Variants in BCAS3 observed in about 807,000 individuals in gnomAD.
BCAS3 encodes the protein BCAS4/BCAS3 fusion.
A neutral mutation model predicts 116.1 loss-of-function variants in BCAS3; 53 were observed. The observed-to-expected ratio is 0.46, with a 90% confidence interval of 0.37 to 0.57. BCAS3 has a LOEUF of 0.57. BCAS3 is among the 20% of genes least tolerant of loss of function. The probability of loss-of-function intolerance (pLI) is 0.00; values close to 1 mark genes in which losing one functional copy is unlikely to be tolerated. For missense variants in BCAS3, 917 were observed against 1,165.4 expected (o/e 0.79, Z 3.10); for synonymous variants, 391 against 408.2 (o/e 0.96, Z 0.51).
intron 7 of BCAS3, among the ~76,000 whole-genome samples, chr17:60,856,576 A>G (rs1209270468): frequency 6.6e-6 from 1 of 152,132 alleles, no homozygotes; most frequent in African/African-American, 2.4e-5. Context: ...CTGTGGTTCC[A>G]GCTACACAGG....
At position 60,766,607 on chromosome 17, in the gene BCAS3, C is replaced by T. The variant is rs141568500; in HGVS notation, c.403+19328C>T. Among the ~76,000 whole-genome samples the T allele has an allele frequency of 8.5e-5, 13 of 152,256 alleles. No individual in the cohort carries two copies. In the East Asian group the frequency reaches 1.4e-3, roughly 16 times the overall value. On this transcript the variant is annotated intron_variant, in intron 6 of 23. Transcript: ENST00000407086. ...GCACCCGGCTGTATGAGGTGTCATT[C>T]GGCCCCTACTGGGAGGTGTCTCCAA...
intron 7 of BCAS3, among the ~76,000 whole-genome samples, chr17:60,861,273 CTTGAT>C (rs2054133083): frequency 6.6e-6 from 1 of 152,078 alleles, no homozygotes; most frequent in African/African-American, 2.4e-5. Context: ...AGATTACTTT[CTTGAT>C]TTGGCTCTCA....
chr17:60,908,118 T>A (rs1362337513), intron 11 of BCAS3, among the ~76,000 whole-genome samples: 1 of 152,192 alleles, frequency 6.6e-6, no homozygotes, highest in Non-Finnish European at 1.5e-5. Context: ...GAGTTTAGAT[T>A]TTTGTCCACT....
chr17:61,240,919 A>T (rs542523385), intron 22 of BCAS3, among the ~76,000 whole-genome samples: 1 of 152,328 alleles, frequency 6.6e-6, no homozygotes, highest in East Asian at 1.9e-4. Context: ...GAATGATTTG[A>T]TGAAATCAAA....
At chr17:61,147,986 C>CAAAA (rs10634673) in intron 22 of BCAS3, among the ~76,000 whole-genome samples, 1 of 148,732 alleles carries the variant, frequency 6.7e-6, no homozygotes. Flanking sequence ...AACTCTGTCT[C>CAAAA]AGAAAAAAAA....
At chr17:61,005,314 A>G (rs1229511094) in intron 15 of BCAS3, among the ~76,000 whole-genome samples, 3 of 151,950 alleles carry the variant, frequency 2.0e-5, no homozygotes, top group Non-Finnish European at 2.9e-5. Context: ...AAACTGTTCC[A>G]CAAATTGTTG....
intron 6 of BCAS3, among the ~76,000 whole-genome samples, chr17:60,753,667 CCA>C (rs2042714757): frequency 1.3e-5 from 2 of 152,076 alleles, no homozygotes. Context: ...CCTCGGCCTC[CCA>C]AAGTGCTGGG....
At chr17:61,280,307 C>A (rs2051129985) in intron 22 of BCAS3, among the ~76,000 whole-genome samples, 1 of 152,190 alleles carries the variant, frequency 6.6e-6, no homozygotes, top group Admixed American at 6.5e-5. Flanking sequence ...CAACCACTTG[C>A]AATTATCTTT....
At chr17:61,149,457 G>A (rs2077426608) in intron 22 of BCAS3, among the ~76,000 whole-genome samples, 1 of 152,116 alleles carries the variant, frequency 6.6e-6, no homozygotes, top group Non-Finnish European at 1.5e-5. Flanking sequence ...AATGTAAAAA[G>A]TATATCAGTG....
chr17:60,878,182 G>C (rs1229605829), intron 9 of BCAS3, among the ~76,000 whole-genome samples: 1 of 151,972 alleles, frequency 6.6e-6, no homozygotes, highest in Admixed American at 6.6e-5. Flanking sequence ...GCTAATTTTT[G>C]TATTTTTAGT....
intron 12 of BCAS3, 141 bp from the exon 13 acceptor site, chr17:60,924,266 T>C (rs2059253782): frequency 1.5e-6 from 1 of 653,912 alleles, no homozygotes; most frequent in African/African-American, 1.8e-5. Flanking sequence ...TGGAATTCTC[T>C]CCTTATATTG....
intron 15 of BCAS3, among the ~76,000 whole-genome samples, chr17:60,997,892 G>A (rs1471848641): frequency 2.0e-5 from 3 of 152,090 alleles, no homozygotes; most frequent in Non-Finnish European, 4.4e-5. Flanking sequence ...GTGCAGATTC[G>A]TTACATGGGT....
chr17:60,997,196 A>G (rs1035536916), intron 15 of BCAS3, among the ~76,000 whole-genome samples: 1 of 152,174 alleles, frequency 6.6e-6, no homozygotes, highest in African/African-American at 2.4e-5. Flanking sequence ...CTCAGGTGGT[A>G]ATGCCAGCTT....
In BCAS3 at chr17:61,017,734, G is replaced by C. The variant is rs1336699489; in HGVS notation, c.1637+1833G>C. On this transcript the variant is annotated intron_variant, in intron 16 of 23. Coordinates refer to ENST00000407086, the MANE Select transcript of BCAS3 (RefSeq NM_017679.5). This position sits in a 1 kb window ranked among gnomAD's most constrained non-coding sequence, Gnocchi z 4.7. ...TCATAATATTTATGGTGAGGGGTAG[G>C]AAGTGAGTCTGCTTTTTTATGTAGT... Among the ~76,000 whole-genome samples the C allele has an allele frequency of 2.0e-5, 3 of 152,132 alleles. No individual in the cohort carries two copies. The highest frequency in any genetic ancestry group is 7.2e-5 in the African/African-American group (3 of 41,416).
rs768865456 is a variant in BCAS3 at position 60,680,639 on chromosome 17, CT to C, written c.83+1114del. On this transcript the variant is annotated intron_variant, in intron 2 of 23. Coordinates refer to ENST00000407086, the MANE Select transcript of BCAS3 (RefSeq NM_017679.5). Reference sequence around the variant, plus strand: ...CTAATATGGTTTGAAGATATGTATACTTTTTTTTTTTTTTTAGATGGAGTCT... The same window carrying C: ...CTAATATGGTTTGAAGATATGTATACTTTTTTTTTTTTTTAGATGGAGTCT... Among the ~76,000 whole-genome samples the C allele has an allele frequency of 7.5e-3, 1,063 of 142,386 alleles. 3 individuals are homozygous for C. Among genetic ancestry groups the C allele is most frequent in the East Asian group, 0.038 (188 of 4,948 alleles). 93.4% of individuals were successfully genotyped at this position (142,386 alleles called of 152,430 possible). A position where few individuals can be genotyped will look rare whatever the true frequency, so the allele number is the denominator to read the frequency against.
chr17:61,213,395 C>A lies in BCAS3; in HGVS notation c.2425+128831C>A, dbSNP rs1220767436. Among the ~76,000 whole-genome samples, 19 of 152,132 alleles carry A rather than the reference C, an allele frequency of 1.2e-4. No individual in the cohort carries two copies. The South Asian group carries it at 4.0e-3, about 32-fold the overall frequency. On this transcript the variant is annotated intron_variant, in intron 22 of 23. Coordinates refer to ENST00000407086, the MANE Select transcript of BCAS3 (RefSeq NM_017679.5). This position sits in a 1 kb window ranked among gnomAD's most constrained non-coding sequence, Gnocchi z 5.4. Reference sequence around the variant, plus strand: ...AGCTTGGCCAGGCTGGTCTTGAACTCCTGACCTCGTGATCCACCCGCCTCG... The same window carrying A: ...AGCTTGGCCAGGCTGGTCTTGAACTACTGACCTCGTGATCCACCCGCCTCG...
chr17:61,205,552 C>T lies in BCAS3; in HGVS notation c.2425+120988C>T, dbSNP rs1053113294. Reference sequence around the variant, plus strand: ...CAGGACTCAAGACAGTCTCCTCAGCCATAATGTCATTGACCTTGACATACT... The same window carrying T: ...CAGGACTCAAGACAGTCTCCTCAGCTATAATGTCATTGACCTTGACATACT... On this transcript the variant is annotated intron_variant, in intron 22 of 23. Coordinates refer to ENST00000407086, the MANE Select transcript of BCAS3 (RefSeq NM_017679.5). The surrounding 1 kb of genome is among the most constrained non-coding windows in gnomAD (Gnocchi z 5.2). 5.3e-5 allele frequency among the ~76,000 whole-genome samples: 8 copies of T among 152,322 alleles called. No individual in the cohort carries two copies. Among genetic ancestry groups the T allele is most frequent in the African/African-American group, 1.9e-4 (8 of 41,562 alleles).
Position 61,077,292 on chromosome 17 carries a change from C to T in BCAS3, c.2131-1041C>T, listed in dbSNP as rs939879558. ...CAGCACTTTGGGAGGCCGAGGCAGG[C>T]GGATCACCAGGTCAGGAGACCAAGA... On this transcript the variant is annotated intron_variant, in intron 20 of 23. Transcript: ENST00000407086. The surrounding 1 kb of genome is among the most constrained non-coding windows in gnomAD (Gnocchi z 4.3). Among the ~76,000 whole-genome samples the T allele has an allele frequency of 3.8e-4, 58 of 152,044 alleles. No homozygotes were observed. Among genetic ancestry groups the T allele is most frequent in the Non-Finnish European group, 7.6e-4 (52 of 67,986 alleles).
chr17:61,340,283 G>A (rs2057044736), intron 22 of BCAS3, among the ~76,000 whole-genome samples: 1 of 150,290 alleles, frequency 6.7e-6, no homozygotes, highest in Non-Finnish European at 1.5e-5. Flanking sequence ...TGCATACATG[G>A]AGGGATTGAC....
Sources: gnomAD v4.1 joint callset for allele counts (sites outside exome capture counted in the v4.1 genomes callset) on GRCh38, gnomAD v4.1.1 for gene constraint, Gnocchi (gnomAD v3.1) non-coding constraint, MANE v1.5 for transcripts, NCBI Gene and HGNC (gene_info 2026-07-23, HGNC 2026-07-21) for gene names.